The following GRAMD4 variants were observed in gnomAD, a reference collection of about 807,000 sequenced individuals.
GRAMD4 encodes GRAM domain-containing protein 4.
GRAMD4 carries 25 observed loss-of-function variants against 83.9 expected under a neutral mutation model. That is an observed-to-expected ratio of 0.30 (90% CI 0.22 to 0.42). GRAMD4 has a LOEUF of 0.42. Among genes scored for constraint, GRAMD4 ranks in the 10% least tolerant of loss-of-function variants. The pLI, the probability that GRAMD4 is intolerant of heterozygous loss-of-function variation, is 1.00. For synonymous variants in GRAMD4, 336 were observed against 320.9 expected (o/e 1.05, Z -0.50); for missense variants, 593 against 788.7 (o/e 0.75, Z 2.97).
chr22:46,640,669 GA>G (rs2081961589), intron 3 of GRAMD4, among the ~76,000 whole-genome samples: 2 of 152,126 alleles, frequency 1.3e-5, no homozygotes, highest in Non-Finnish European at 2.9e-5. Flanking sequence ...TTTAATTATG[GA>G]AAATTTCAAA....
chr22:46,616,589 G>C (rs2081499487), upstream of GRAMD4, among the ~76,000 whole-genome samples: 1 of 131,602 alleles, frequency 7.6e-6, no homozygotes, highest in Non-Finnish European at 1.6e-5. Context: ...TGTGCGTGCA[G>C]GTTCCCCTGT....
intron 1 of GRAMD4, among the ~76,000 whole-genome samples, chr22:46,577,448 C>A (rs1365805751): frequency 2.1e-5 from 3 of 143,826 alleles, no homozygotes; most frequent in African/African-American, 7.5e-5. Context: ...CCGAGCAGGG[C>A]CCTGCGCGGG....
Position 46,675,530 on chromosome 22 carries a change from T to G in GRAMD4, c.1541T>G (p.Val514Gly). The G allele has an allele frequency of 6.2e-7, 1 of 1,612,192 alleles. No individual in the cohort carries two copies. The highest frequency in any genetic ancestry group is 8.5e-7 in the Non-Finnish European group (1 of 1,178,434). ...AAGAGGAACAAAGTCATCAAGCTAG[T>G]GGACATCACGGACATCCAGAAGGTT... ...SSKRNKVIKLVDITDIQKYKV... is the reference protein window; with the variant it reads ...SSKRNKVIKLGDITDIQKYKV... Residue 514 changes from valine (V) to glycine (G), a missense_variant, in exon 17 of 19, where the codon GTG (valine) becomes GGG (glycine). Around this residue, in one of 4 missense-constraint regions of GRAMD4, gnomAD observed 74 missense variants for 152.7 expected, o/e 0.48. Transcript: ENST00000406902.
chr22:46,662,557 C>G (rs2082344199), intron 5 of GRAMD4, among the ~76,000 whole-genome samples: 2 of 152,252 alleles, frequency 1.3e-5, no homozygotes, highest in African/African-American at 4.8e-5. Flanking sequence ...CAGGCACCCC[C>G]AGCCCAGGAC....
At chr22:46,614,569 C>T (rs1338517046) in intron 1 of GRAMD4, among the ~76,000 whole-genome samples, 6 of 152,322 alleles carry the variant, frequency 3.9e-5, no homozygotes, top group African/African-American at 7.2e-5. Context: ...AGCCAGCATC[C>T]GTGTGGTGCT....
upstream of GRAMD4, among the ~76,000 whole-genome samples, chr22:46,575,850 G>A (rs1007528281): frequency 6.6e-6 from 1 of 152,232 alleles, no homozygotes. Flanking sequence ...CAGTTCTGCA[G>A]ACAGGAACCT....
intron 3 of GRAMD4, among the ~76,000 whole-genome samples, chr22:46,643,194 TCCA>T (rs2082012443): frequency 7.5e-6 from 1 of 133,484 alleles, no homozygotes; most frequent in Non-Finnish European, 1.7e-5. Flanking sequence ...CATCCATCCA[TCCA>T]TCCATCTATC....
chr22:46,651,116 C>T (rs1435206830), intron 3 of GRAMD4, among the ~76,000 whole-genome samples: 6 of 151,992 alleles, frequency 3.9e-5, no homozygotes, highest in Admixed American at 3.9e-4. Context: ...GGCTGATGTG[C>T]CTTCCTAGGC....
chr22:46,650,513 C>T (rs1364218783), intron 3 of GRAMD4, among the ~76,000 whole-genome samples: 1 of 152,214 alleles, frequency 6.6e-6, no homozygotes, highest in Non-Finnish European at 1.5e-5. Flanking sequence ...ATCTCCTTTG[C>T]CTCCCCTCAA....
intron 1 of GRAMD4, among the ~76,000 whole-genome samples, chr22:46,603,328 C>G (rs1052327645): frequency 5.3e-5 from 8 of 150,818 alleles, no homozygotes; most frequent in African/African-American, 2.0e-4. Flanking sequence ...CTGCCTCAGC[C>G]TCCCGAGTAG....
chr22:46,616,701 CGTGT>C (rs2081502564), upstream of GRAMD4, among the ~76,000 whole-genome samples: 1 of 56,468 alleles, frequency 1.8e-5, no homozygotes, highest in African/African-American at 6.8e-5. Context: ...TTCCCCTGTG[CGTGT>C]AGGTTCCCCC....
intron 1 of GRAMD4, among the ~76,000 whole-genome samples, chr22:46,594,222 C>T (rs74281180): frequency 0.092 from 13,921 of 151,858 alleles, 743 homozygotes; most frequent in East Asian, 0.27. Context: ...CTCCCTTCCC[C>T]ACCACCCTAT....
At chr22:46,673,030 GA>G in intron 14 of GRAMD4, 33 bp downstream of exon 14, 1 of 1,512,006 alleles carries the variant, frequency 6.6e-7, no homozygotes, top group Middle Eastern at 1.8e-4. Context: ...GGGATGGGGG[GA>G]TGGGGGGCCA....
At chr22:46,596,396 G>A (rs1046223315) in intron 1 of GRAMD4, among the ~76,000 whole-genome samples, 3 of 152,354 alleles carry the variant, frequency 2.0e-5, no homozygotes, top group African/African-American at 7.2e-5. Flanking sequence ...CCACAGTCCC[G>A]AAGTCTTTGT....
intron 5 of GRAMD4, 97 bp downstream of exon 5, chr22:46,661,539 A>G (rs1417465933): frequency 3.5e-6 from 3 of 850,902 alleles, no homozygotes; most frequent in Admixed American, 2.0e-5. Context: ...TGGAGCAGAT[A>G]CCCCCTCCCC....
intron 3 of GRAMD4, among the ~76,000 whole-genome samples, chr22:46,640,656 T>C (rs1027167484): frequency 2.6e-5 from 4 of 152,172 alleles, no homozygotes; most frequent in African/African-American, 7.2e-5. Flanking sequence ...ACGGGGATTA[T>C]TTTTTAATTA....
At chr22:46,633,826 G>T (rs796542542) in intron 2 of GRAMD4, among the ~76,000 whole-genome samples, 52 of 152,266 alleles carry the variant, frequency 3.4e-4, no homozygotes, top group African/African-American at 1.3e-3. Flanking sequence ...GGTCCCGGCC[G>T]TACAGGGGGT....
chr22:46,601,348 T>C (rs2081310697), intron 1 of GRAMD4, among the ~76,000 whole-genome samples: 1 of 152,078 alleles, frequency 6.6e-6, no homozygotes, highest in South Asian at 2.1e-4. Flanking sequence ...AGTTTCGACC[T>C]TGTGGGTCCT....
At chr22:46,608,561 G>A (rs1273243415) in intron 1 of GRAMD4, among the ~76,000 whole-genome samples, 1 of 151,654 alleles carries the variant, frequency 6.6e-6, no homozygotes, top group East Asian at 1.9e-4. Context: ...TGCCTGCAGT[G>A]ACAGCTCCTT....
Sources: allele counts gnomAD v4.1 joint callset (sites outside exome capture counted in the v4.1 genomes callset), GRCh38; gene constraint gnomAD v4.1.1; regional missense constraint gnomAD v4.1.1; transcripts MANE v1.5; gene names NCBI Gene and HGNC (gene_info 2026-07-23, HGNC 2026-07-21).